Variants in SH3PXD2A observed in about 807,000 individuals in gnomAD.
SH3PXD2A encodes the protein SH3 and PX domains 2A, also known as SH3 and PX domain-containing protein 2A.
A neutral mutation model predicts 115.2 loss-of-function variants in SH3PXD2A; 32 were observed. The observed-to-expected ratio is 0.28, with a 90% CI of 0.21 to 0.37. SH3PXD2A has a LOEUF of 0.37. SH3PXD2A is among the 10% of genes least tolerant of loss of function. The probability of loss-of-function intolerance (pLI) is 1.00; values close to 1 mark genes in which losing one functional copy is unlikely to be tolerated. For missense variants in SH3PXD2A, 1,328 were observed against 1,498.7 expected (o/e 0.89, Z 1.88); for synonymous variants, 610 against 629.1 (o/e 0.97, Z 0.45).
At chr10:103,639,608 T>TAAAAAAAAAAAAAAAAA (rs67918508) in intron 8 of SH3PXD2A, among the ~76,000 whole-genome samples, 1 of 85,848 alleles carries the variant, frequency 1.2e-5, no homozygotes. Flanking sequence ...GACTCCGTCT[T>TAAAAAAAAAAAAAAAAA]AAAAAAAAAA....
rs201177505 is a variant in SH3PXD2A, at chr10:103,602,758, G to T, written c.2460C>A (p.Ser820=). 3 of 1,613,982 alleles carry T rather than the reference G, an allele frequency of 1.9e-6. No individual in the cohort carries two copies. In the African/African-American group the frequency reaches 4.0e-5, roughly 22 times the overall value. The change falls in exon 15 of 15, where the codon TCC becomes TCA. Residue 820 remains serine, a synonymous_variant. Coordinates refer to ENST00000369774, the MANE Select transcript of SH3PXD2A (RefSeq NM_001394015.1). ...APSEGSRRSS[S]DLITLPATTP... is the part of the protein sequence containing the mutation. Reference sequence around the variant, plus strand: ...TGGTGGCTGGGAGGGTGATGAGGTCGGATGAGCTTCTCCTAGACCCCTCAC... The same window carrying T: ...TGGTGGCTGGGAGGGTGATGAGGTCTGATGAGCTTCTCCTAGACCCCTCAC...
At chr10:103,661,995 G>T in intron 7 of SH3PXD2A, 5 of 980,018 alleles carry the variant, frequency 5.1e-6, no homozygotes, top group Non-Finnish European at 6.1e-6. Context: ...GGGTACAGTC[G>T]GACCAGCCTC....
chr10:103,803,870 AAATAC>A (rs1298758550), intron 1 of SH3PXD2A, among the ~76,000 whole-genome samples: 2 of 152,184 alleles, frequency 1.3e-5, no homozygotes, highest in African/African-American at 2.4e-5. Flanking sequence ...CATTTTAGGG[AAATAC>A]AATACATCAA....
chr10:103,802,957 A>T (rs1406497676), intron 1 of SH3PXD2A, among the ~76,000 whole-genome samples: 1 of 152,202 alleles, frequency 6.6e-6, no homozygotes, highest in East Asian at 1.9e-4. Flanking sequence ...ATGAGGAGGA[A>T]CGTTAGCAAA....
In SH3PXD2A at chr10:103,746,559, C is replaced by T. The variant is rs1325276193; in HGVS notation, c.230-10751G>A. Among the ~76,000 whole-genome samples, 7 of 152,136 alleles carry T rather than the reference C, an allele frequency of 4.6e-5. No individual in the cohort carries two copies. Among genetic ancestry groups the T allele is most frequent in the African/African-American group, 1.4e-4 (6 of 41,408 alleles). On this transcript the variant is annotated intron_variant, in intron 3 of 14. Transcript: ENST00000369774. This position sits in a 1 kb window ranked among gnomAD's most constrained non-coding sequence, Gnocchi z 4.4. ...CTGGTTTTAAACTCCTGGGCTCAAG[C>T]GATCCTCCCAGAGTACTGGGATTAC...
In SH3PXD2A at chr10:103,666,698, T is replaced by TCCTAC. The variant is rs1177804534; in HGVS notation, c.472+1905_472+1909dup. ...ATCTGGAAACAGGAACAATAGCAGT[T>TCCTAC]CCTACCTCATGGGAATTGTTCTGAG... On this transcript the variant is annotated intron_variant, in intron 7 of 14. Transcript: ENST00000369774. The surrounding 1 kb of genome is among the most constrained non-coding windows in gnomAD (Gnocchi z 4.5). Among the ~76,000 whole-genome samples the TCCTAC allele has an allele frequency of 6.6e-6, 1 of 152,220 alleles. No individual in the cohort carries two copies. Among genetic ancestry groups the TCCTAC allele is most frequent in the Non-Finnish European group, 1.5e-5 (1 of 68,038 alleles).
intron 5 of SH3PXD2A, among the ~76,000 whole-genome samples, chr10:103,712,265 T>A (rs1370210195): frequency 2.6e-5 from 4 of 152,194 alleles, no homozygotes. Flanking sequence ...TCCCTCTGGC[T>A]CTGACCACTG....
chr10:103,776,114 C>T (rs1020867266), intron 2 of SH3PXD2A, among the ~76,000 whole-genome samples: 1 of 152,124 alleles, frequency 6.6e-6, no homozygotes, highest in Non-Finnish European at 1.5e-5. Context: ...TAGCCGGACA[C>T]CGTGGCTCAT....
At chr10:103,770,706 G>T (rs527303223) in intron 2 of SH3PXD2A, among the ~76,000 whole-genome samples, 5 of 152,256 alleles carry the variant, frequency 3.3e-5, no homozygotes, top group African/African-American at 1.2e-4. Flanking sequence ...GTGGTCCATG[G>T]GGGTGGGGGA....
chr10:103,674,341 C>T (rs963195304), intron 6 of SH3PXD2A, among the ~76,000 whole-genome samples: 17 of 152,194 alleles, frequency 1.1e-4, no homozygotes, highest in African/African-American at 3.1e-4. Flanking sequence ...CATATCTTTA[C>T]GACAGCCCAA....
chr10:103,847,486 G>T (rs372318899), intron 1 of SH3PXD2A, among the ~76,000 whole-genome samples: 1 of 151,986 alleles, frequency 6.6e-6, no homozygotes, highest in Non-Finnish European at 1.5e-5. Flanking sequence ...GCTTATTCTG[G>T]CTTATTTTTT....
chr10:103,697,813 G>A (rs1373682011), intron 5 of SH3PXD2A, among the ~76,000 whole-genome samples: 2 of 152,184 alleles, frequency 1.3e-5, no homozygotes. Flanking sequence ...ACAGGGAGAG[G>A]CTGGTGGGGG....
chr10:103,708,100 A>T (rs1406302270), intron 5 of SH3PXD2A, among the ~76,000 whole-genome samples: 3 of 152,094 alleles, frequency 2.0e-5, no homozygotes, highest in African/African-American at 7.2e-5. Flanking sequence ...CCTTAAGCTC[A>T]ATGACTGTCT....
intron 3 of SH3PXD2A, among the ~76,000 whole-genome samples, chr10:103,761,421 C>G (rs941651608): frequency 6.6e-6 from 1 of 152,090 alleles, no homozygotes; most frequent in Non-Finnish European, 1.5e-5. Flanking sequence ...TAAAAAAATG[C>G]TGTTAGGAAA....
chr10:103,737,189 T>C (rs1234700684), intron 3 of SH3PXD2A, among the ~76,000 whole-genome samples: 1 of 152,230 alleles, frequency 6.6e-6, no homozygotes, highest in Non-Finnish European at 1.5e-5. Flanking sequence ...AGCAGCTGGA[T>C]GTCGGTAGCT....
rs2036145621 is a variant in SH3PXD2A at position 103,596,964 on chromosome 10, G to A, written c.*4852C>T. On this transcript the variant is annotated 3_prime_UTR_variant, in exon 15 of 15. Transcript: ENST00000369774. Reference sequence around the variant, plus strand: ...CGTCCCTGTCACCTTGAGGGGCAGAGCTCTGAGGCTCCAACCCAGAGGAAA... The same window carrying A: ...CGTCCCTGTCACCTTGAGGGGCAGAACTCTGAGGCTCCAACCCAGAGGAAA... 2.6e-5 allele frequency: 4 copies of A among 152,608 alleles called. No homozygotes were observed. The highest frequency in any genetic ancestry group is 2.6e-4 in the Admixed American group (4 of 15,276). 9.5% of individuals were successfully genotyped at this position (152,608 alleles called of 1,614,324 possible). A position where few individuals can be genotyped will look rare whatever the true frequency, so the allele number is the denominator to read the frequency against.
intron 1 of SH3PXD2A, among the ~76,000 whole-genome samples, chr10:103,819,036 C>T (rs1312946497): frequency 2.6e-5 from 4 of 152,210 alleles, no homozygotes; most frequent in Non-Finnish European, 5.9e-5. Context: ...TTCTCTACAA[C>T]GTCTAATGAC....
At chr10:103,675,775 G>T (rs2037523919) in intron 6 of SH3PXD2A, among the ~76,000 whole-genome samples, 1 of 152,204 alleles carries the variant, frequency 6.6e-6, no homozygotes, top group East Asian at 1.9e-4. Flanking sequence ...TTGTGCGGTG[G>T]CTCACGCCTG....
intron 5 of SH3PXD2A, among the ~76,000 whole-genome samples, chr10:103,716,163 C>G (rs1745022658): frequency 6.6e-6 from 1 of 152,166 alleles, no homozygotes; most frequent in African/African-American, 2.4e-5. Flanking sequence ...CCTAAGCCAG[C>G]CCCTGCACCA....
Sources: gnomAD v4.1 joint callset for allele counts (sites outside exome capture counted in the v4.1 genomes callset) on GRCh38, gnomAD v4.1.1 for gene constraint, Gnocchi (gnomAD v3.1) non-coding constraint, MANE v1.5 for transcripts, NCBI Gene and HGNC (gene_info 2026-07-23, HGNC 2026-07-21) for gene names.